TXNDC12: variants seen among roughly 807,000 people sequenced by gnomAD.
TXNDC12 encodes thioredoxin domain-containing protein 12.
Under a neutral mutation model 24.2 loss-of-function variants are expected in TXNDC12, and 22 were observed. That is an observed-to-expected ratio of 0.91 (90% CI 0.65 to 1.30). TXNDC12 has a LOEUF of 1.30. Ranked by LOEUF, TXNDC12 falls within the 50% of genes most tolerant of loss-of-function variation. TXNDC12 has a pLI of 0.00. For missense variants in TXNDC12, 184 were observed against 205.8 expected (o/e 0.89, Z 0.65); for synonymous variants, 58 against 73.4 (o/e 0.79, Z 1.07).
chr1:52,048,224 G>A (rs1304755264), intron 1 of TXNDC12, among the ~76,000 whole-genome samples: 1 of 152,138 alleles, frequency 6.6e-6, no homozygotes, highest in Non-Finnish European at 1.5e-5. Flanking sequence ...CAGCATTTTG[G>A]GAGGCCAAGG....
At chr1:52,023,836 G>T (rs1490023072) in intron 5 of TXNDC12, among the ~76,000 whole-genome samples, 3 of 152,154 alleles carry the variant, frequency 2.0e-5, no homozygotes, top group African/African-American at 7.2e-5. Context: ...TTTGTGGAAA[G>T]ACATTTATCT....
intron 4 of TXNDC12, among the ~76,000 whole-genome samples, chr1:52,026,915 A>T (rs1386571388): frequency 6.6e-6 from 1 of 152,112 alleles, no homozygotes; most frequent in Non-Finnish European, 1.5e-5. Flanking sequence ...GCATGCCTGT[A>T]GTCCCAACCA....
At position 52,020,521 on chromosome 1, in the gene TXNDC12, C is replaced by T. The variant is rs1321836403; in HGVS notation, c.*412G>A. 6 of 239,920 alleles carry T rather than the reference C, an allele frequency of 2.5e-5. No individual in the cohort carries two copies. The highest frequency in any genetic ancestry group is 4.9e-5 in the Non-Finnish European group (6 of 123,640). The allele number at this position is 239,920 out of a possible 1,614,324, so 14.9% of individuals were successfully genotyped here. A position where few individuals can be genotyped will look rare whatever the true frequency, so the allele number is the denominator to read the frequency against. ...GTTGTTGTTGTTTTTTAATGATAAG[C>T]TACTTCTGCAATTTTAACGTTGTAG... On this transcript the variant is annotated 3_prime_UTR_variant, in exon 7 of 7. Transcript: ENST00000371626.
intron 4 of TXNDC12, among the ~76,000 whole-genome samples, chr1:52,026,454 G>A (rs908989575): frequency 6.6e-6 from 1 of 152,200 alleles, no homozygotes; most frequent in Non-Finnish European, 1.5e-5. Context: ...CAAGCAGGTT[G>A]CACATATAAG....
rs1557995625 is a variant in TXNDC12 at position 52,039,102 on chromosome 1, A to AG, written c.158+2434_158+2435insC. Among the ~76,000 whole-genome samples, 10 of 150,682 alleles carry AG rather than the reference A, an allele frequency of 6.6e-5. No homozygotes were observed. In the South Asian group the frequency reaches 2.1e-3, roughly 32 times the overall value. ...AGACACCGTCTCAAAAAAAAAAAAA[A>AG]AAAAAAGGGTTCATTTATCTTGAAA... is the stretch of plus-strand genomic sequence containing the variant. On this transcript the variant is annotated intron_variant, in intron 2 of 6. Transcript: ENST00000371626.
intron 2 of TXNDC12, among the ~76,000 whole-genome samples, chr1:52,030,054 A>T (rs185782884): frequency 6.6e-6 from 1 of 152,300 alleles, no homozygotes; most frequent in Admixed American, 6.5e-5. Flanking sequence ...TGCTCAATAG[A>T]GTAAATATTT....
At chr1:52,054,609 A>C (rs148632722) in intron 1 of TXNDC12, among the ~76,000 whole-genome samples, 1 of 152,364 alleles carries the variant, frequency 6.6e-6, no homozygotes, top group East Asian at 1.9e-4. Context: ...AAGTAACGAG[A>C]GAAATCTTCA....
At chr1:52,053,348 C>G (rs953329868) in intron 1 of TXNDC12, among the ~76,000 whole-genome samples, 4 of 152,012 alleles carry the variant, frequency 2.6e-5, no homozygotes, top group African/African-American at 9.7e-5. Context: ...TCTTCTGTTA[C>G]TCTCAGTACT....
chr1:52,032,040 G>T (rs1325138129), intron 2 of TXNDC12: 1 of 712,250 alleles, frequency 1.4e-6, no homozygotes, highest in Admixed American at 6.3e-5. Context: ...GCAGAACAAT[G>T]ACAAGTATAC....
intron 2 of TXNDC12, chr1:52,033,501 G>C: frequency 6.2e-7 from 1 of 1,613,934 alleles, no homozygotes; most frequent in Non-Finnish European, 8.5e-7. Flanking sequence ...GCTCGTAACG[G>C]AAACCTTTGA....
chr1:52,027,184 C>T (rs1685682926), intron 4 of TXNDC12, 91 bp downstream of exon 4: 8 of 931,224 alleles, frequency 8.6e-6, no homozygotes, highest in East Asian at 5.0e-5. Flanking sequence ...GACTTCATAC[C>T]ACTAATGAAG....
At chr1:52,023,427 C>T (rs1340843056) in intron 6 of TXNDC12, 64 bp downstream of exon 6, 11 of 1,324,366 alleles carry the variant, frequency 8.3e-6, no homozygotes, top group Admixed American at 5.1e-5. Context: ...TATCACAGAC[C>T]TTGCATGTGG....
chr1:52,033,072 GA>G, intron 2 of TXNDC12: 1 of 1,604,118 alleles, frequency 6.2e-7, no homozygotes, highest in South Asian at 1.1e-5. Context: ...CCACCAAAGT[GA>G]ATAAAGGCCG....
chr1:52,022,342 C>G lies in TXNDC12; in HGVS notation c.439+1149G>C, dbSNP rs538542312. 6.6e-5 allele frequency among the ~76,000 whole-genome samples: 10 copies of G among 152,230 alleles called. No individual in the cohort carries two copies. In the South Asian group the frequency reaches 2.1e-3, roughly 32 times the overall value. ...CCCCTGCCTCCAGAATGACTGTGCT[C>G]AAAGATTAGAGAACAAAAAAGCATG... On this transcript the variant is annotated intron_variant, in intron 6 of 6. Transcript: ENST00000371626.
At chr1:52,030,890 T>C (rs1685741524) in intron 2 of TXNDC12, among the ~76,000 whole-genome samples, 1 of 152,242 alleles carries the variant, frequency 6.6e-6, no homozygotes, top group African/African-American at 2.4e-5. Flanking sequence ...GTAATTCACA[T>C]TTCAGTGTAG....
chr1:52,033,726 G>A (rs746229317), intron 2 of TXNDC12: 40 of 1,608,490 alleles, frequency 2.5e-5, no homozygotes, highest in Non-Finnish European at 3.1e-5. Context: ...GGCTCTTGCC[G>A]CTGTACGGCA....
intron 2 of TXNDC12, chr1:52,033,456 G>A (rs538057588): frequency 3.7e-6 from 6 of 1,613,176 alleles, no homozygotes; most frequent in Non-Finnish European, 5.1e-6. Flanking sequence ...AGACCAGGCA[G>A]AGCGGGGTGC....
At chr1:52,040,697 T>A (rs75926395) in intron 2 of TXNDC12, among the ~76,000 whole-genome samples, 1 of 152,158 alleles carries the variant, frequency 6.6e-6, no homozygotes, top group Non-Finnish European at 1.5e-5. Context: ...CATTTATTAC[T>A]GAAAAAAATC....
intron 2 of TXNDC12, among the ~76,000 whole-genome samples, chr1:52,038,259 G>A (rs953053442): frequency 1.3e-5 from 2 of 151,256 alleles, no homozygotes; most frequent in African/African-American, 4.9e-5. Flanking sequence ...TCTTAACGGT[G>A]TCTGAGAATT....
Sources: allele counts gnomAD v4.1 joint callset (sites outside exome capture counted in the v4.1 genomes callset), GRCh38; gene constraint gnomAD v4.1.1; transcripts MANE v1.5; gene names NCBI Gene and HGNC (gene_info 2026-07-23, HGNC 2026-07-21).